PDE5A: variants seen among roughly 807,000 people sequenced by gnomAD.
PDE5A encodes the protein phosphodiesterase 5A.
Under a neutral mutation model 110.2 loss-of-function variants are expected in PDE5A, and 67 were observed. That is an observed-to-expected ratio of 0.61 (90% CI 0.50 to 0.75). The LOEUF is 0.75. Among genes scored for constraint, PDE5A ranks in the 30% least tolerant of loss-of-function variants. The pLI, the probability that PDE5A is intolerant of heterozygous loss-of-function variation, is 0.00. For synonymous variants in PDE5A, 328 were observed against 351.2 expected, an observed-to-expected ratio of 0.93 and a Z score of 0.74; for missense variants, 862 against 1,045.1, an observed-to-expected ratio of 0.82 and a Z score of 2.42.
At chr4:119,625,383 A>T (rs968028677) in intron 1 of PDE5A, among the ~76,000 whole-genome samples, 7 of 152,196 alleles carry the variant, frequency 4.6e-5, no homozygotes, top group African/African-American at 1.7e-4. Flanking sequence ...AAATGCTTTC[A>T]AGGTCAACCC....
chr4:119,564,986 G>T (rs1450412337), intron 5 of PDE5A, among the ~76,000 whole-genome samples: 1 of 152,096 alleles, frequency 6.6e-6, no homozygotes, highest in Admixed American at 6.6e-5. Context: ...AGTTGACAGA[G>T]CAAGAACTAA....
chr4:119,548,436 A>G (rs191558990), intron 9 of PDE5A: 26 of 152,296 alleles, frequency 1.7e-4, no homozygotes, highest in African/African-American at 5.5e-4. Flanking sequence ...ATTTTCCTCT[A>G]TGAGTTTTAA....
At chr4:119,611,619 T>G (rs1729750084) in intron 1 of PDE5A, among the ~76,000 whole-genome samples, 2 of 152,248 alleles carry the variant, frequency 1.3e-5, no homozygotes, top group South Asian at 4.1e-4. Flanking sequence ...ATTATGTGTT[T>G]GTGATTACTC....
rs1038837350 is a variant in PDE5A at position 119,519,262 on chromosome 4, G to A, written c.1906-123C>T. On this transcript the variant is annotated intron_variant, in intron 13 of 20. Transcript: ENST00000354960. ...TGCTTTACATACATACTTCTCTATA[G>A]TCACAAAGGACTAACCCTAGAATCC... The A allele has an allele frequency of 1.0e-4, 69 of 687,854 alleles. 1 individual carries two copies. The highest frequency in any genetic ancestry group is 9.9e-4 in the South Asian group (55 of 55,350). 42.6% of individuals were successfully genotyped at this position (687,854 alleles called of 1,614,324 possible).
At chr4:119,587,272 G>A (rs139672129) in intron 3 of PDE5A, among the ~76,000 whole-genome samples, 3,490 of 149,612 alleles carry the variant, frequency 0.023, 49 homozygotes, top group South Asian at 0.044. Context: ...GCAAGATCTC[G>A]GCTCACTGCA....
chr4:119,527,860 T>G (rs555699239), intron 11 of PDE5A, among the ~76,000 whole-genome samples: 16 of 151,820 alleles, frequency 1.1e-4, no homozygotes, highest in Admixed American at 8.5e-4. Context: ...TTTTTATGGT[T>G]GGGTAATCCA....
intron 3 of PDE5A, among the ~76,000 whole-genome samples, chr4:119,574,874 A>G (rs1728275716): frequency 6.6e-6 from 1 of 152,236 alleles, no homozygotes; most frequent in Non-Finnish European, 1.5e-5. Context: ...ATGGGTGGTG[A>G]GGACTGATTA....
At chr4:119,548,044 A>ATTTTTTTTTTTTTT (rs11438089) in intron 9 of PDE5A, among the ~76,000 whole-genome samples, 1 of 94,784 alleles carries the variant, frequency 1.1e-5, no homozygotes, top group Non-Finnish European at 1.9e-5. Context: ...TTCTCCGTGT[A>ATTTTTTTTTTTTTT]TTTTTTTTTT....
chr4:119,545,075 A>C (rs1255097327), intron 9 of PDE5A, among the ~76,000 whole-genome samples: 2 of 152,192 alleles, frequency 1.3e-5, no homozygotes, highest in Non-Finnish European at 2.9e-5. Context: ...CCATCTAGGC[A>C]TATAAATTAA....
intron 3 of PDE5A, among the ~76,000 whole-genome samples, chr4:119,572,124 C>G (rs1391192338): frequency 6.6e-6 from 1 of 152,182 alleles, no homozygotes; most frequent in African/African-American, 2.4e-5. Flanking sequence ...CAGACCTACC[C>G]CTCTGAAACT....
intron 8 of PDE5A, 47 bp from the exon 9 acceptor site, chr4:119,552,684 T>C (rs756142131): frequency 8.6e-6 from 9 of 1,052,128 alleles, no homozygotes; most frequent in Non-Finnish European, 1.2e-5. Flanking sequence ...GTAAAGAGAT[T>C]GATTTGTCCA....
chr4:119,621,740 G>A (rs549113590), intron 1 of PDE5A, among the ~76,000 whole-genome samples: 60 of 152,230 alleles, frequency 3.9e-4, no homozygotes, highest in African/African-American at 1.2e-3. Flanking sequence ...ACCCAATCCC[G>A]CAAGCAATTA....
chr4:119,625,004 G>A (rs946586614), intron 1 of PDE5A, among the ~76,000 whole-genome samples: 3 of 148,656 alleles, frequency 2.0e-5, no homozygotes, highest in African/African-American at 7.4e-5. Flanking sequence ...AAAGCTCCAA[G>A]TTATAGCTTT....
At chr4:119,586,045 A>T (rs1728754186) in intron 3 of PDE5A, among the ~76,000 whole-genome samples, 1 of 152,206 alleles carries the variant, frequency 6.6e-6, no homozygotes, top group Non-Finnish European at 1.5e-5. Flanking sequence ...AAGCTTGCTA[A>T]GCCACTCCAG....
At chr4:119,587,694 T>C (rs1372360167) in intron 3 of PDE5A, among the ~76,000 whole-genome samples, 1 of 152,126 alleles carries the variant, frequency 6.6e-6, no homozygotes, top group Non-Finnish European at 1.5e-5. Context: ...AATTTCTAAG[T>C]TTTCAAAAAC....
Position 119,628,684 on chromosome 4 carries a change from G to T in PDE5A, c.-13C>A. The T allele has an allele frequency of 6.2e-7, 1 of 1,610,252 alleles. No individual in the cohort carries two copies. The highest frequency in any genetic ancestry group is 8.5e-7 in the Non-Finnish European group (1 of 1,179,774). ...CGGCCCGCTCCATGGTTGGCACCGCGCGCCTCGGAGGCTCTCTGGTACTGC... is the reference window on the plus strand; with the variant it reads ...CGGCCCGCTCCATGGTTGGCACCGCTCGCCTCGGAGGCTCTCTGGTACTGC... On this transcript the variant is annotated 5_prime_UTR_variant, in exon 1 of 21. Transcript: ENST00000354960.
At chr4:119,541,265 T>A (rs1245141187) in intron 10 of PDE5A, among the ~76,000 whole-genome samples, 1 of 151,732 alleles carries the variant, frequency 6.6e-6, no homozygotes, top group Non-Finnish European at 1.5e-5. Flanking sequence ...AATTTTTCAA[T>A]GAAAAACCAT....
chr4:119,501,268 A>C lies in PDE5A; in HGVS notation c.2407-15T>G. The C allele has an allele frequency of 7.2e-7, 1 of 1,391,298 alleles. No individual in the cohort carries two copies. The highest frequency in any genetic ancestry group is 1.2e-5 in the South Asian group (1 of 85,952). The allele number at this position is 1,391,298 out of a possible 1,614,324, so 86.2% of individuals were successfully genotyped here. On this transcript the variant is annotated splice_polypyrimidine_tract_variant and intron_variant, in intron 19 of 20. Coordinates refer to ENST00000354960, the MANE Select transcript of PDE5A (RefSeq NM_001083.4). ...TTCATTAGATCCTGAAAATACAAAT[A>C]CAGACCAGACACACAGATGTGCATT...
intron 11 of PDE5A, 38 bp downstream of exon 11, chr4:119,538,922 T>A (rs768480432): frequency 3.3e-6 from 5 of 1,493,556 alleles, no homozygotes; most frequent in Non-Finnish European, 4.7e-6. Flanking sequence ...ATTAGGTGTC[T>A]GTAATTAGTA....
Sources: allele counts gnomAD v4.1 joint callset (sites outside exome capture counted in the v4.1 genomes callset), GRCh38; gene constraint gnomAD v4.1.1; transcripts MANE v1.5; gene names NCBI Gene and HGNC (gene_info 2026-07-23, HGNC 2026-07-21).